The following MAP4K3 variants were observed in gnomAD, a reference collection of about 807,000 sequenced individuals.
The protein encoded by MAP4K3 is mitogen-activated protein kinase kinase kinase kinase 3, also known as MAPK/ERK kinase kinase kinase 3.
MAP4K3 carries 94 observed loss-of-function variants against 143.5 expected under a neutral mutation model. That is an observed-to-expected ratio of 0.65 (90% CI 0.55 to 0.78). The LOEUF (loss-of-function observed/expected upper bound fraction) is 0.78. Ranked by LOEUF, MAP4K3 falls within the 30% of genes least tolerant of loss-of-function variation. MAP4K3 has a pLI of 0.00. For missense variants in MAP4K3, 1,077 were observed against 1,068.1 expected (o/e 1.01, Z -0.12); for synonymous variants, 416 against 347.2 (o/e 1.20, Z -2.20).
chr2:39,269,432 A>ACAG (rs1680918951), intron 26 of MAP4K3, among the ~76,000 whole-genome samples: 1 of 150,704 alleles, frequency 6.6e-6, no homozygotes, highest in South Asian at 2.1e-4. Context: ...GAGGTAGGTT[A>ACAG]CAGCATAGAA....
chr2:39,268,027 TA>T (rs1680837404), intron 26 of MAP4K3, among the ~76,000 whole-genome samples: 1 of 152,292 alleles, frequency 6.6e-6, no homozygotes, highest in East Asian at 1.9e-4. Flanking sequence ...ACATGTACTG[TA>T]AAAAGCTGTC....
At chr2:39,404,819 C>A (rs1215069804) in intron 1 of MAP4K3, among the ~76,000 whole-genome samples, 1 of 151,992 alleles carries the variant, frequency 6.6e-6, no homozygotes, top group African/African-American at 2.4e-5. Context: ...CGGGGTTTCT[C>A]CATGTTGGTC....
chr2:39,251,109 T>C (rs1374280900), intron 33 of MAP4K3, among the ~76,000 whole-genome samples: 1 of 152,210 alleles, frequency 6.6e-6, no homozygotes, highest in Non-Finnish European at 1.5e-5. Context: ...AGTGAAAGAC[T>C]GGCTAGGGGG....
At chr2:39,391,591 A>C (rs1488788750) in intron 1 of MAP4K3, among the ~76,000 whole-genome samples, 1 of 152,140 alleles carries the variant, frequency 6.6e-6, no homozygotes, top group African/African-American at 2.4e-5. Context: ...CACTTAAGTA[A>C]ACACTGTCTA....
At position 39,267,204 on chromosome 2, in the gene MAP4K3, G is replaced by A; in HGVS notation, c.2017C>T (p.Gln673Ter). 1 of 1,613,976 alleles carries A rather than the reference G, an allele frequency of 6.2e-7. No homozygotes were observed. The highest frequency in any genetic ancestry group is 1.1e-5 in the South Asian group (1 of 91,076). The change falls in exon 27 of 34, where the codon CAG becomes TAG. Residue 673 changes from glutamine to a stop codon, truncating the protein, a stop_gained. Coordinates refer to ENST00000263881, the MANE Select transcript of MAP4K3 (RefSeq NM_003618.4). LOFTEE classifies it high-confidence loss of function. ...GTTTACTTACCAACACAACACTTCTGGCACCATTTGGTTTCAGGGATTTTT... is the reference window on the plus strand; with the variant it reads ...GTTTACTTACCAACACAACACTTCTAGCACCATTTGGTTTCAGGGATTTTT... ...SAKIPETKWCQKCCVVRNPYT... is the reference protein window; with the variant it reads ...SAKIPETKWC
intron 1 of MAP4K3, among the ~76,000 whole-genome samples, chr2:39,417,959 T>C (rs946080899): frequency 6.6e-6 from 1 of 152,050 alleles, no homozygotes; most frequent in South Asian, 2.1e-4. Flanking sequence ...TCTGAGCACT[T>C]TGGGAGGCCG....
intron 2 of MAP4K3, among the ~76,000 whole-genome samples, chr2:39,361,911 T>C (rs542766576): frequency 6.6e-6 from 1 of 151,586 alleles, no homozygotes; most frequent in Admixed American, 6.6e-5. Flanking sequence ...GAAATAAAGA[T>C]GACAAAAGGA....
intron 19 of MAP4K3, 59 bp downstream of exon 19, chr2:39,290,233 G>C: frequency 7.9e-7 from 1 of 1,264,468 alleles, no homozygotes; most frequent in Non-Finnish European, 1.1e-6. Context: ...TCTCAACAAA[G>C]TATTAAATTG....
At chr2:39,346,877 T>G (rs1019483075) in intron 3 of MAP4K3, among the ~76,000 whole-genome samples, 3 of 151,932 alleles carry the variant, frequency 2.0e-5, no homozygotes, top group African/African-American at 7.3e-5. Flanking sequence ...TCAACAATAT[T>G]TGGAATGCTG....
intron 4 of MAP4K3, among the ~76,000 whole-genome samples, chr2:39,339,670 A>G (rs1026366820): frequency 3.3e-5 from 5 of 152,190 alleles, no homozygotes; most frequent in African/African-American, 1.2e-4. Flanking sequence ...AAGCACGACG[A>G]TAACTAGGGA....
At chr2:39,382,547 T>C (rs1335962646) in intron 1 of MAP4K3, among the ~76,000 whole-genome samples, 1 of 152,212 alleles carries the variant, frequency 6.6e-6, no homozygotes, top group Non-Finnish European at 1.5e-5. Flanking sequence ...ATTTCTAAGG[T>C]TCCTTCTAAT....
chr2:39,349,579 A>G (rs1410960245), intron 3 of MAP4K3, among the ~76,000 whole-genome samples: 2 of 152,166 alleles, frequency 1.3e-5, no homozygotes, highest in Non-Finnish European at 2.9e-5. Context: ...CCACTGGTAT[A>G]TTAAAGGCTC....
At chr2:39,377,553 C>T (rs1015598538) in intron 2 of MAP4K3, among the ~76,000 whole-genome samples, 3 of 152,022 alleles carry the variant, frequency 2.0e-5, no homozygotes, top group African/African-American at 7.2e-5. Context: ...AGGGGCTTTA[C>T]AATAAGCTGC....
At position 39,308,154 on chromosome 2, in the gene MAP4K3, T is replaced by A. The variant is rs530613315; in HGVS notation, c.1057-149A>T. 4.3e-5 allele frequency: 19 copies of A among 442,914 alleles called. No individual in the cohort carries two copies. The East Asian group carries it at 6.6e-4, about 15-fold the overall frequency. 27.4% of individuals were successfully genotyped at this position (442,914 alleles called of 1,614,324 possible). A position where few individuals can be genotyped will look rare whatever the true frequency, so the allele number is the denominator to read the frequency against. On this transcript the variant is annotated intron_variant, in intron 14 of 33. Coordinates refer to ENST00000263881, the MANE Select transcript of MAP4K3 (RefSeq NM_003618.4). Reference sequence around the variant, plus strand: ...GAGTCAAACTGTATTAGGCAGCTTCTAAAAAAGCAACATTGCAACAACTTT... The same window carrying A: ...GAGTCAAACTGTATTAGGCAGCTTCAAAAAAAGCAACATTGCAACAACTTT...
chr2:39,358,095 G>A (rs147191712), intron 2 of MAP4K3, among the ~76,000 whole-genome samples: 19 of 152,310 alleles, frequency 1.2e-4, no homozygotes, highest in African/African-American at 4.3e-4. Flanking sequence ...AGCCTCACCT[G>A]TCTCTGTAAT....
At chr2:39,377,307 T>C (rs946555478) in intron 2 of MAP4K3, among the ~76,000 whole-genome samples, 7 of 149,946 alleles carry the variant, frequency 4.7e-5, no homozygotes, top group Non-Finnish European at 1.0e-4. Flanking sequence ...AAACTCTTAT[T>C]ATCAGCTTGT....
At chr2:39,337,029 T>C in intron 5 of MAP4K3, 62 bp from the exon 6 acceptor site, 1 of 825,770 alleles carries the variant, frequency 1.2e-6, no homozygotes, top group Non-Finnish European at 2.0e-6. Flanking sequence ...TTTTGGATTT[T>C]ATGTAATCAA....
intron 4 of MAP4K3, among the ~76,000 whole-genome samples, chr2:39,340,676 T>TA (rs1012676823): frequency 2.0e-5 from 3 of 151,442 alleles, no homozygotes; most frequent in African/African-American, 7.3e-5. Context: ...TGAGAATGAC[T>TA]AAAAAAAGGT....
intron 1 of MAP4K3, among the ~76,000 whole-genome samples, chr2:39,412,360 T>C (rs766374462): frequency 1.3e-5 from 2 of 152,156 alleles, no homozygotes; most frequent in East Asian, 1.9e-4. Flanking sequence ...TGACCTTCTA[T>C]TGTAGTCCAT....
Sources: gnomAD v4.1 joint callset for allele counts (sites outside exome capture counted in the v4.1 genomes callset) on GRCh38, gnomAD v4.1.1 for gene constraint, MANE v1.5 for transcripts, NCBI Gene and HGNC (gene_info 2026-07-23, HGNC 2026-07-21) for gene names.